ARHGAP26: variants seen among roughly 807,000 people sequenced by gnomAD.
ARHGAP26 encodes Rho GTPase activating protein 26, also known as rho GTPase-activating protein 26.
Under a neutral mutation model 104.8 loss-of-function variants are expected in ARHGAP26, and 38 were observed. That is an observed-to-expected ratio of 0.36 (90% CI 0.28 to 0.48). The LOEUF (loss-of-function observed/expected upper bound fraction) is 0.48, where lower values mean the gene tolerates loss of function less well. Among genes scored for constraint, ARHGAP26 ranks in the 20% least tolerant of loss-of-function variants. The pLI, the probability that ARHGAP26 is intolerant of heterozygous loss-of-function variation, is 0.99. For missense variants in ARHGAP26, 704 were observed against 947.9 expected (o/e 0.74, Z 3.38); for synonymous variants, 341 against 340.0 (o/e 1.00, Z -0.03).
At chr5:143,209,377 A>T (rs561536926) in intron 21 of ARHGAP26, among the ~76,000 whole-genome samples, 1 of 152,286 alleles carries the variant, frequency 6.6e-6, no homozygotes, top group Non-Finnish European at 1.5e-5. Context: ...AGAATCTGCC[A>T]TTCTGTTGCC....
rs1811504458 is a variant in ARHGAP26, at chr5:143,224,493, A to G, written c.*2047A>G. The G allele has an allele frequency of 2.2e-5, 5 of 230,082 alleles. No homozygotes were observed. The highest frequency in any genetic ancestry group is 4.3e-5 in the Non-Finnish European group (5 of 116,122). 14.3% of individuals were successfully genotyped at this position (230,082 alleles called of 1,614,324 possible). The stretch of plus-strand genomic sequence containing the variant: ...GTAGTAAGATGAAGCTCAGGATTTA[A>G]ATAAGTGGGGTCAGGCATTCGAGTT... On this transcript the variant is annotated 3_prime_UTR_variant, in exon 23 of 23. Transcript: ENST00000645722.
chr5:143,090,829 C>T (rs1379855365), intron 17 of ARHGAP26, among the ~76,000 whole-genome samples: 1 of 152,206 alleles, frequency 6.6e-6, no homozygotes, highest in Non-Finnish European at 1.5e-5. Context: ...GGGAGCAAGA[C>T]TCCTGGTTGA....
At chr5:142,898,235 T>A (rs1474474429) in intron 6 of ARHGAP26, among the ~76,000 whole-genome samples, 1 of 152,096 alleles carries the variant, frequency 6.6e-6, no homozygotes, top group Non-Finnish European at 1.5e-5. Context: ...TATGTGCATA[T>A]ATATATGTAT....
intron 21 of ARHGAP26, among the ~76,000 whole-genome samples, chr5:143,207,636 T>C (rs1808780157): frequency 6.6e-6 from 1 of 152,228 alleles, no homozygotes; most frequent in Admixed American, 6.5e-5. Context: ...TTTTCAACCC[T>C]GACTCAAGTT....
At chr5:143,098,190 A>G (rs964305722) in intron 17 of ARHGAP26, among the ~76,000 whole-genome samples, 2 of 152,184 alleles carry the variant, frequency 1.3e-5, no homozygotes, top group African/African-American at 4.8e-5. Flanking sequence ...TGTGCTTGAC[A>G]TATTTGACCA....
intron 11 of ARHGAP26, among the ~76,000 whole-genome samples, chr5:142,977,671 A>G (rs532336761): frequency 6.6e-6 from 1 of 152,292 alleles, no homozygotes; most frequent in East Asian, 1.9e-4. Context: ...AGAAGTTGCT[A>G]GCCATCTCCT....
intron 10 of ARHGAP26, among the ~76,000 whole-genome samples, chr5:142,929,370 A>G (rs1428997679): frequency 6.6e-6 from 1 of 152,232 alleles, no homozygotes; most frequent in African/African-American, 2.4e-5. Flanking sequence ...GTTATTGTAT[A>G]GGAACTGACA....
chr5:143,038,551 G>A (rs1026603658), intron 13 of ARHGAP26, among the ~76,000 whole-genome samples: 3 of 152,108 alleles, frequency 2.0e-5, no homozygotes, highest in Non-Finnish European at 4.4e-5. Flanking sequence ...TTACACCGTG[G>A]TGATGTTAAG....
intron 1 of ARHGAP26, among the ~76,000 whole-genome samples, chr5:142,824,457 A>G (rs1201301261): frequency 6.6e-6 from 1 of 152,194 alleles, no homozygotes; most frequent in Non-Finnish European, 1.5e-5. Flanking sequence ...TCCCACAGGC[A>G]AGGCTGCAGC....
intron 11 of ARHGAP26, among the ~76,000 whole-genome samples, chr5:142,999,743 A>G (rs1259897556): frequency 6.6e-6 from 1 of 152,196 alleles, no homozygotes; most frequent in Non-Finnish European, 1.5e-5. Context: ...GGACATAGAA[A>G]GTGATAGCCC....
intron 14 of ARHGAP26, among the ~76,000 whole-genome samples, chr5:143,051,402 T>C (rs894950342): frequency 6.6e-6 from 1 of 152,234 alleles, no homozygotes; most frequent in African/African-American, 2.4e-5. Context: ...TTTTGTACAT[T>C]GGATTGCTCC....
At chr5:143,049,716 G>A (rs1041054544) in intron 14 of ARHGAP26, among the ~76,000 whole-genome samples, 1 of 152,104 alleles carries the variant, frequency 6.6e-6, no homozygotes, top group East Asian at 1.9e-4. Context: ...TGATTGGAGG[G>A]GTATTGTACA....
At chr5:142,786,694 C>T (rs1369082605) in intron 1 of ARHGAP26, among the ~76,000 whole-genome samples, 1 of 125,052 alleles carries the variant, frequency 8.0e-6, no homozygotes. Flanking sequence ...TGGAGTCTTG[C>T]TCTATGCAGT....
chr5:143,081,290 G>T (rs1397702056), intron 17 of ARHGAP26, among the ~76,000 whole-genome samples: 1 of 152,174 alleles, frequency 6.6e-6, no homozygotes, highest in Non-Finnish European at 1.5e-5. Flanking sequence ...GGAGGGTCTG[G>T]CAGTGAAGAT....
chr5:143,074,380 G>A (rs3822391), intron 17 of ARHGAP26, among the ~76,000 whole-genome samples: 1 of 152,012 alleles, frequency 6.6e-6, no homozygotes, highest in Non-Finnish European at 1.5e-5. Flanking sequence ...AGTCTGTCTG[G>A]TATCCTGGCC....
intron 17 of ARHGAP26, among the ~76,000 whole-genome samples, chr5:143,087,868 C>T (rs1035682688): frequency 1.3e-5 from 2 of 151,768 alleles, no homozygotes; most frequent in African/African-American, 2.4e-5. Context: ...AGGCTGGTCT[C>T]GAACTCCTGA....
At chr5:143,056,340 T>TG (rs1785806775) in intron 16 of ARHGAP26, among the ~76,000 whole-genome samples, 1 of 148,040 alleles carries the variant, frequency 6.8e-6, no homozygotes, top group Non-Finnish European at 1.5e-5. Flanking sequence ...TTTTTTTTTT[T>TG]GAGGGGAGGA....
intron 1 of ARHGAP26, among the ~76,000 whole-genome samples, chr5:142,790,760 G>A (rs765018427): frequency 4.6e-5 from 7 of 152,096 alleles, no homozygotes; most frequent in Non-Finnish European, 1.0e-4. Context: ...GAATGCCTTT[G>A]CTACAGGTTT....
chr5:142,920,120 T>A (rs1013819070), intron 10 of ARHGAP26, among the ~76,000 whole-genome samples: 2 of 152,232 alleles, frequency 1.3e-5, no homozygotes. Context: ...TATTGGTTAA[T>A]TGAATAAAGA....
Sources: gnomAD v4.1 joint callset for allele counts (sites outside exome capture counted in the v4.1 genomes callset) on GRCh38, gnomAD v4.1.1 for gene constraint, MANE v1.5 for transcripts, NCBI Gene and HGNC (gene_info 2026-07-23, HGNC 2026-07-21) for gene names.